SIRPB1: variants seen among roughly 807,000 people sequenced by gnomAD.
The protein encoded by SIRPB1 is signal-regulatory protein beta-1.
SIRPB1 carries 28 observed loss-of-function variants against 34.1 expected under a neutral mutation model. The observed-to-expected ratio is 0.82, with a 90% CI of 0.61 to 1.12. The LOEUF is 1.12. Among genes scored for constraint, SIRPB1 ranks in the 50% most tolerant of loss-of-function variants. SIRPB1 has a pLI of 0.00. For synonymous variants in SIRPB1, 211 were observed against 203.8 expected (o/e 1.04, Z -0.30); for missense variants, 499 against 507.0 (o/e 0.98, Z 0.15).
chr20:1,616,505 C>A (rs1314020798), intron 1 of SIRPB1, among the ~76,000 whole-genome samples: 2 of 152,166 alleles, frequency 1.3e-5, no homozygotes, highest in Non-Finnish European at 2.9e-5. Context: ...CCTGGATATC[C>A]ATCTGTAGAG....
chr20:1,572,101 T>C (rs2091250623), intron 2 of SIRPB1, 64 bp from the exon 3 acceptor site: 1 of 1,609,894 alleles, frequency 6.2e-7, no homozygotes, highest in African/African-American at 1.3e-5. Context: ...TGATAAGCGT[T>C]TGACATGTTA....
rs1165125167 is a variant in SIRPB1 at position 1,564,814 on chromosome 20, C to G, written c.*686G>C. 2 of 397,976 alleles carry G rather than the reference C, an allele frequency of 5.0e-6. No individual in the cohort carries two copies. Among genetic ancestry groups the G allele is most frequent in the Non-Finnish European group, 8.9e-6 (2 of 225,972 alleles). The allele number at this position is 397,976 out of a possible 1,614,324, so 24.7% of individuals were successfully genotyped here. ...CAGAAAGTCCATTGTTAAACATTTA[C>G]CATCTCATGTAAGTGGACACATGCA... On this transcript the variant is annotated 3_prime_UTR_variant, in exon 6 of 6. Coordinates refer to ENST00000381605, the MANE Select transcript of SIRPB1 (RefSeq NM_006065.5).
intron 1 of SIRPB1, among the ~76,000 whole-genome samples, chr20:1,614,078 G>A (rs941860049): frequency 6.6e-6 from 1 of 152,214 alleles, no homozygotes; most frequent in Non-Finnish European, 1.5e-5. Context: ...AAGGCCAGAA[G>A]ATAGAGGGAT....
At position 1,578,107 on chromosome 20, in the gene SIRPB1, G is replaced by A. The variant is rs139957064; in HGVS notation, c.433+231C>T. On this transcript the variant is annotated intron_variant, in intron 2 of 5. Coordinates refer to ENST00000381605, the MANE Select transcript of SIRPB1 (RefSeq NM_006065.5). ...TTGGAAACACAAGAGCTGTAGAGCC[G>A]CAGACTGGGGATGCCTTCTGTCCCA... 1,676 of 554,128 alleles carry A rather than the reference G, an allele frequency of 3.0e-3. 97 individuals carry two copies. Among genetic ancestry groups the A allele is most frequent in the African/African-American group, 0.027 (1,423 of 52,586 alleles). 34.3% of individuals were successfully genotyped at this position (554,128 alleles called of 1,614,324 possible). A position where few individuals can be genotyped will look rare whatever the true frequency, so the allele number is the denominator to read the frequency against.
intron 5 of SIRPB1, among the ~76,000 whole-genome samples, chr20:1,565,831 G>A (rs1316875746): frequency 6.6e-6 from 1 of 151,816 alleles, no homozygotes; most frequent in African/African-American, 2.4e-5. Flanking sequence ...GGCCTCCAAG[G>A]GACCACCCAC....
In SIRPB1 at chr20:1,571,851, C is replaced by T; in HGVS notation, c.620G>A (p.Ser207Asn). The T allele has an allele frequency of 6.2e-7, 1 of 1,614,218 alleles. No individual in the cohort carries two copies. The highest frequency in any genetic ancestry group is 1.1e-5 in the South Asian group (1 of 91,086). The change falls in exon 3 of 6, where the codon AGC becomes AAC. Residue 207 changes from serine (S) to asparagine (N), a missense_variant. By Grantham distance (46) the Ser-to-Asn change is conservative. Transcript: ENST00000381605. ...CACCACCCTGGCTGTGCTGTGGATGCTGTAGGACACACTGTCTCCTGCGGG... is the reference window on the plus strand; with the variant it reads ...CACCACCCTGGCTGTGCTGTGGATGTTGTAGGACACACTGTCTCCTGCGGG... ...VDPAGDSVSY[S>N]IHSTARVVLT...
Position 1,620,006 on chromosome 20 carries a change from C to T in SIRPB1, c.-62G>A. The T allele has an allele frequency of 6.7e-7, 1 of 1,488,092 alleles. No homozygotes were observed. The highest frequency in any genetic ancestry group is 9.1e-7 in the Non-Finnish European group (1 of 1,098,952). The allele number at this position is 1,488,092 out of a possible 1,614,324, so 92.2% of individuals were successfully genotyped here. A position where few individuals can be genotyped will look rare whatever the true frequency, so the allele number is the denominator to read the frequency against. On this transcript the variant is annotated 5_prime_UTR_variant, in exon 1 of 6. Transcript: ENST00000381605. ...TGTGCTGGGAAGATCGCAGACTCTG[C>T]TCTGAGGAGAGAAGACAAGCCCTGC...
chr20:1,614,670 A>G lies in SIRPB1; in HGVS notation c.76+5199T>C, dbSNP rs140280408. 3.5e-3 allele frequency among the ~76,000 whole-genome samples: 532 copies of G among 152,116 alleles called. 1 individual carries two copies. Among genetic ancestry groups the G allele is most frequent in the African/African-American group, 0.012 (511 of 41,488 alleles). ...CTAGGAACTGTGAGTATGCCTCTTC[A>G]TATGAACTTTTCATGGCCATGTTAG... On this transcript the variant is annotated intron_variant, in intron 1 of 5. Coordinates refer to ENST00000381605, the MANE Select transcript of SIRPB1 (RefSeq NM_006065.5).
rs1397188743 is a variant in SIRPB1 at position 1,610,772 on chromosome 20, G to A, written c.76+9097C>T. ...AATGTGCCTCCCAGAAATCTTGCCC[G>A]TGGGGTGTTTCTGAGGATGAAATAA... On this transcript the variant is annotated intron_variant, in intron 1 of 5. Transcript: ENST00000381605. Among the ~76,000 whole-genome samples the A allele has an allele frequency of 2.7e-5, 2 of 72,780 alleles. 1 individual carries two copies. The highest frequency in any genetic ancestry group is 5.2e-5 in the Non-Finnish European group (2 of 38,722). The allele number at this position is 72,780 out of a possible 152,430, so 47.7% of individuals were successfully genotyped here.
At position 1,588,340 on chromosome 20, in the gene SIRPB1, G is replaced by A; in HGVS notation, c.77-9646C>T. 4.1e-5 allele frequency among the ~76,000 whole-genome samples: 2 copies of A among 48,988 alleles called. 1 individual carries two copies. Among genetic ancestry groups the A allele is most frequent in the Non-Finnish European group, 7.9e-5 (2 of 25,394 alleles). The allele number at this position is 48,988 out of a possible 152,430, so 32.1% of individuals were successfully genotyped here. A position where few individuals can be genotyped will look rare whatever the true frequency, so the allele number is the denominator to read the frequency against. Reference sequence around the variant, plus strand: ...TCAAATGAAATAGATCAAAATGTAAGTAATTGTGGTGGTGAGTCAATCATC... The same window carrying A: ...TCAAATGAAATAGATCAAAATGTAAATAATTGTGGTGGTGAGTCAATCATC... On this transcript the variant is annotated intron_variant, in intron 1 of 5. Coordinates refer to ENST00000381605, the MANE Select transcript of SIRPB1 (RefSeq NM_006065.5).
intron 4 of SIRPB1, among the ~76,000 whole-genome samples, chr20:1,567,954 A>G (rs1349289037): frequency 1.3e-5 from 2 of 152,214 alleles, no homozygotes; most frequent in East Asian, 1.9e-4. Context: ...TGGGCATCAT[A>G]GAAGAGTAGC....
chr20:1,592,833 A>G (rs1292962361), intron 1 of SIRPB1, among the ~76,000 whole-genome samples: 1 of 49,616 alleles, frequency 2.0e-5, no homozygotes, highest in Non-Finnish European at 3.9e-5. Context: ...AGAGGTATGC[A>G]CAAGGTCATG....
intron 2 of SIRPB1, among the ~76,000 whole-genome samples, chr20:1,572,934 A>G (rs1457069619): frequency 1.3e-5 from 2 of 149,070 alleles, no homozygotes; most frequent in Non-Finnish European, 3.0e-5. Flanking sequence ...GAAATAACCA[A>G]TGAGAGTGGG....
chr20:1,567,767 T>A (rs1017101086), intron 4 of SIRPB1, among the ~76,000 whole-genome samples: 9 of 152,172 alleles, frequency 5.9e-5, no homozygotes, highest in African/African-American at 1.7e-4. Flanking sequence ...AAATGGTCGT[T>A]ATAAGAACTA....
At chr20:1,617,867 A>C (rs1381947610) in intron 1 of SIRPB1, among the ~76,000 whole-genome samples, 3 of 152,222 alleles carry the variant, frequency 2.0e-5, no homozygotes, top group Non-Finnish European at 4.4e-5. Context: ...TGGAGAAACA[A>C]TGATAAAAAA....
intron 1 of SIRPB1, among the ~76,000 whole-genome samples, chr20:1,619,374 G>A (rs186739748): frequency 6.6e-6 from 1 of 152,270 alleles, no homozygotes; most frequent in Admixed American, 6.5e-5. Context: ...AGGACAAAGT[G>A]AGGAGCACCC....
Position 1,613,206 on chromosome 20 carries a change from G to A in SIRPB1, c.76+6663C>T. Among the ~76,000 whole-genome samples, 2 of 72,986 alleles carry A rather than the reference G, an allele frequency of 2.7e-5. 1 individual carries two copies. Among genetic ancestry groups the A allele is most frequent in the Non-Finnish European group, 5.2e-5 (2 of 38,732 alleles). The allele number at this position is 72,986 out of a possible 152,430, so 47.9% of individuals were successfully genotyped here. On this transcript the variant is annotated intron_variant, in intron 1 of 5. Coordinates refer to ENST00000381605, the MANE Select transcript of SIRPB1 (RefSeq NM_006065.5). Reference sequence around the variant, plus strand: ...CAATTTTTAAAGAGCTTTCAGCAGAGCTATGTGTCTTCTGGAGGCTCTGTT... The same window carrying A: ...CAATTTTTAAAGAGCTTTCAGCAGAACTATGTGTCTTCTGGAGGCTCTGTT...
chr20:1,618,285 C>T (rs561347683), intron 1 of SIRPB1, among the ~76,000 whole-genome samples: 22 of 152,154 alleles, frequency 1.4e-4, no homozygotes, highest in Non-Finnish European at 2.6e-4. Flanking sequence ...TGTTTACTTC[C>T]CTGCATTTTC....
intron 1 of SIRPB1, chr20:1,611,279 T>C: frequency 1.5e-6 from 1 of 688,828 alleles, no homozygotes; most frequent in Non-Finnish European, 2.0e-6. Context: ...CACCTGACTG[T>C]TGCTCTAAGA....
Sources: gnomAD v4.1 joint callset for allele counts (sites outside exome capture counted in the v4.1 genomes callset) on GRCh38, gnomAD v4.1.1 for gene constraint, MANE v1.5 for transcripts, NCBI Gene and HGNC (gene_info 2026-07-23, HGNC 2026-07-21) for gene names.